The following HIPK2 variants were observed in gnomAD, a reference collection of about 807,000 sequenced individuals.
HIPK2 encodes homeodomain-interacting protein kinase 2.
Under a neutral mutation model 113.7 loss-of-function variants are expected in HIPK2, and 27 were observed. That is an observed-to-expected ratio of 0.24 (90% CI 0.17 to 0.33). The LOEUF (loss-of-function observed/expected upper bound fraction) is 0.33, where lower values mean the gene tolerates loss of function less well. Among genes scored for constraint, HIPK2 ranks in the 10% least tolerant of loss-of-function variants. HIPK2 has a pLI of 1.00. For synonymous variants in HIPK2, 631 were observed against 642.2 expected, an observed-to-expected ratio of 0.98 and a Z score of 0.26; for missense variants, 1,257 against 1,588.0, an observed-to-expected ratio of 0.79 and a Z score of 3.54.
intron 12 of HIPK2, among the ~76,000 whole-genome samples, chr7:139,589,655 A>T (rs1457655437): frequency 6.6e-6 from 1 of 152,228 alleles, no homozygotes; most frequent in Admixed American, 6.5e-5. Context: ...GAGTCTTGTG[A>T]GAGCTGACAG....
chr7:139,593,804 A>G (rs1202312951), intron 12 of HIPK2, among the ~76,000 whole-genome samples: 1 of 152,210 alleles, frequency 6.6e-6, no homozygotes. Context: ...AGGATGATCA[A>G]TGTGTAGGAG....
chr7:139,589,853 G>A (rs1798959029), intron 12 of HIPK2, among the ~76,000 whole-genome samples: 1 of 152,208 alleles, frequency 6.6e-6, no homozygotes, highest in South Asian at 2.1e-4. Flanking sequence ...GGGAGCCCCT[G>A]GCTTAATGAG....
Position 139,563,743 on chromosome 7 carries a change from G to T in HIPK2, c.*9184C>A, listed in dbSNP as rs996720868. 6 of 397,994 alleles carry T rather than the reference G, an allele frequency of 1.5e-5. No individual in the cohort carries two copies. The highest frequency in any genetic ancestry group is 2.7e-5 in the Non-Finnish European group (6 of 225,948). The allele number at this position is 397,994 out of a possible 1,614,324, so 24.7% of individuals were successfully genotyped here. A position where few individuals can be genotyped will look rare whatever the true frequency, so the allele number is the denominator to read the frequency against. Reference sequence around the variant, plus strand: ...CACCAAAAGACTGTCCTAAGAACACGCTGTCAATACAGTTCACAGGGAAAA... The same window carrying T: ...CACCAAAAGACTGTCCTAAGAACACTCTGTCAATACAGTTCACAGGGAAAA... On this transcript the variant is annotated 3_prime_UTR_variant, in exon 15 of 15. Coordinates refer to ENST00000406875, the MANE Select transcript of HIPK2 (RefSeq NM_022740.5).
chr7:139,671,284 A>G (rs1405004104), intron 2 of HIPK2, among the ~76,000 whole-genome samples: 1 of 152,246 alleles, frequency 6.6e-6, no homozygotes, highest in African/African-American at 2.4e-5. Context: ...TCTAAAGGTA[A>G]AAAGTAGAAT....
chr7:139,573,925 G>C (rs1798400756), intron 14 of HIPK2, among the ~76,000 whole-genome samples: 1 of 152,116 alleles, frequency 6.6e-6, no homozygotes, highest in Admixed American at 6.5e-5. Flanking sequence ...ATGATACACG[G>C]ATAAAGCCAG....
intron 1 of HIPK2, among the ~76,000 whole-genome samples, chr7:139,765,344 A>T (rs1287461050): frequency 6.6e-6 from 1 of 152,216 alleles, no homozygotes; most frequent in African/African-American, 2.4e-5. Context: ...TATGCTGACA[A>T]GACTAATAAT....
intron 13 of HIPK2, among the ~76,000 whole-genome samples, chr7:139,583,083 G>C (rs1475421330): frequency 2.0e-5 from 3 of 152,242 alleles, no homozygotes; most frequent in Non-Finnish European, 2.9e-5. Flanking sequence ...AGGCTGGCTT[G>C]GGTGTGGTTT....
chr7:139,705,382 C>CA (rs1491379734), intron 2 of HIPK2, among the ~76,000 whole-genome samples: 1 of 146,912 alleles, frequency 6.8e-6, no homozygotes, highest in Non-Finnish European at 1.5e-5. Flanking sequence ...TAGTTTCCCC[C>CA]TTTTTTTTTT....
chr7:139,566,022 A>G lies in HIPK2; in HGVS notation c.*6905T>C, dbSNP rs1247662494. 2 of 152,234 alleles carry G rather than the reference A, an allele frequency of 1.3e-5. No individual in the cohort carries two copies. The highest frequency in any genetic ancestry group is 2.9e-5 in the Non-Finnish European group (2 of 68,032). 9.4% of individuals were successfully genotyped at this position (152,234 alleles called of 1,614,324 possible). On this transcript the variant is annotated 3_prime_UTR_variant, in exon 15 of 15. Transcript: ENST00000406875. The surrounding 1 kb of genome is among the most constrained non-coding windows in gnomAD (Gnocchi z 4.1). ...AAGAGCTGGTTGTAGCAGCACTACT[A>G]AAGCTAGTTGGTATGCTGGAAAGAA...
intron 1 of HIPK2, among the ~76,000 whole-genome samples, chr7:139,731,428 G>A (rs1249701411): frequency 6.6e-6 from 1 of 152,184 alleles, no homozygotes; most frequent in African/African-American, 2.4e-5. Context: ...TCTAAAGTTC[G>A]ATCTGTTCTC....
Position 139,573,158 on chromosome 7 carries a change from G to A in HIPK2, c.3366C>T (p.Ala1122=), listed in dbSNP as rs1268100961. The A allele has an allele frequency of 6.2e-7, 1 of 1,610,926 alleles. No individual in the cohort carries two copies. Among genetic ancestry groups the A allele is most frequent in the South Asian group, 1.1e-5 (1 of 90,964 alleles). ...GSTGTVAHLV[A]SQGSARHTVQ... is the part of the protein sequence containing the mutation. ...CGGTGTGGCGCGCAGAGCCTTGCGAGGCCACCAGGTGGGCCACGGTGCCGG... is the reference window on the plus strand; with the variant it reads ...CGGTGTGGCGCGCAGAGCCTTGCGAAGCCACCAGGTGGGCCACGGTGCCGG... Residue 1122 remains alanine (A), a synonymous_variant, in exon 15 of 15, where the codon GCC becomes GCT. Coordinates refer to ENST00000406875, the MANE Select transcript of HIPK2 (RefSeq NM_022740.5).
intron 2 of HIPK2, among the ~76,000 whole-genome samples, chr7:139,707,432 G>A (rs1042419180): frequency 2.6e-5 from 4 of 152,252 alleles, no homozygotes; most frequent in African/African-American, 9.6e-5. Context: ...CTGCACTGCT[G>A]CGACGCAGCG....
intron 2 of HIPK2, among the ~76,000 whole-genome samples, chr7:139,642,707 T>A (rs1339675314): frequency 6.6e-6 from 1 of 152,054 alleles, no homozygotes; most frequent in African/African-American, 2.4e-5. Flanking sequence ...TTGATTAGGG[T>A]GATAGGCAGA....
intron 2 of HIPK2, among the ~76,000 whole-genome samples, chr7:139,702,987 C>T (rs1426459891): frequency 1.3e-5 from 2 of 152,134 alleles, no homozygotes; most frequent in African/African-American, 4.8e-5. Context: ...TTCGTAGGTT[C>T]CCCTGTCCGG....
At chr7:139,669,521 C>G (rs781150330) in intron 2 of HIPK2, among the ~76,000 whole-genome samples, 4 of 152,170 alleles carry the variant, frequency 2.6e-5, no homozygotes, top group Non-Finnish European at 4.4e-5. Flanking sequence ...CAAAATGTAT[C>G]TGTTGAGCAT....
intron 1 of HIPK2, among the ~76,000 whole-genome samples, chr7:139,721,697 A>G (rs1047548896): frequency 1.3e-5 from 2 of 152,178 alleles, no homozygotes; most frequent in African/African-American, 2.4e-5. Context: ...TTATCTCTGC[A>G]CTTCCTAGTT....
intron 1 of HIPK2, among the ~76,000 whole-genome samples, chr7:139,754,898 T>C (rs373614019): frequency 6.6e-6 from 1 of 152,070 alleles, no homozygotes; most frequent in African/African-American, 2.4e-5. Context: ...ACACAGCGAG[T>C]CTCTGATTCT....
At chr7:139,723,815 T>C (rs1795489649) in intron 1 of HIPK2, among the ~76,000 whole-genome samples, 1 of 152,228 alleles carries the variant, frequency 6.6e-6, no homozygotes, top group South Asian at 2.1e-4. Flanking sequence ...GCACCAATTT[T>C]ATCGGTATGT....
chr7:139,695,148 T>C (rs1366690390), intron 2 of HIPK2, among the ~76,000 whole-genome samples: 2 of 152,154 alleles, frequency 1.3e-5, no homozygotes, highest in Non-Finnish European at 2.9e-5. Flanking sequence ...ACCATCTCCA[T>C]GAAAAAGTAA....
Sources: allele counts gnomAD v4.1 joint callset (sites outside exome capture counted in the v4.1 genomes callset), GRCh38; gene constraint gnomAD v4.1.1; non-coding constraint Gnocchi (gnomAD v3.1); transcripts MANE v1.5; gene names NCBI Gene and HGNC (gene_info 2026-07-23, HGNC 2026-07-21).